SPMAP2L: variants seen among roughly 807,000 people sequenced by gnomAD.
The protein encoded by SPMAP2L is sperm microtubule associated protein 2 like.
At chr4:56,539,571 A>T in the SPMAP2L span, among the ~76,000 whole-genome samples, 3 of 151,964 alleles carry the variant, frequency 2.0e-5, no homozygotes, top group Admixed American at 6.6e-5. Context: ...ACAGGCCTGC[A>T]CCACCACACC....
the SPMAP2L span, among the ~76,000 whole-genome samples, chr4:56,535,440 C>T: frequency 6.6e-6 from 1 of 151,918 alleles, no homozygotes; most frequent in African/African-American, 2.4e-5. Context: ...AAATCCCTGT[C>T]CTGTTCTGTT....
the SPMAP2L span, chr4:56,594,572 G>A: frequency 3.1e-6 from 5 of 1,603,392 alleles, no homozygotes; most frequent in Non-Finnish European, 3.4e-6. Context: ...GAAAGGAGAG[G>A]GGCACAGAAC....
chr4:56,610,461 G>A, the SPMAP2L span, among the ~76,000 whole-genome samples: 1 of 152,116 alleles, frequency 6.6e-6, no homozygotes, highest in Non-Finnish European at 1.5e-5. Flanking sequence ...ATGGATCAAG[G>A]ACTTAAATCT....
chr4:56,554,129 T>C, the SPMAP2L span, among the ~76,000 whole-genome samples: 2 of 152,186 alleles, frequency 1.3e-5, no homozygotes, highest in African/African-American at 4.8e-5. Context: ...GCTTCCAATA[T>C]TTGTCAATTA....
the SPMAP2L span, among the ~76,000 whole-genome samples, chr4:56,578,823 A>T: frequency 0.055 from 8,387 of 152,016 alleles, 760 homozygotes; most frequent in African/African-American, 0.19. Flanking sequence ...GCAGTATCTC[A>T]CACCAGCACT....
At chr4:56,541,599 A>C in the SPMAP2L span, among the ~76,000 whole-genome samples, 1 of 152,210 alleles carries the variant, frequency 6.6e-6, no homozygotes, top group South Asian at 2.1e-4. Flanking sequence ...AGTTTCAATA[A>C]TTAACACTGT....
chr4:56,599,350 A>AT, the SPMAP2L span, among the ~76,000 whole-genome samples: 1 of 151,662 alleles, frequency 6.6e-6, no homozygotes, highest in African/African-American at 2.4e-5. Context: ...TGCCCAGCTA[A>AT]TTTTTTTTGC....
the SPMAP2L span, among the ~76,000 whole-genome samples, chr4:56,560,788 C>G: frequency 6.6e-6 from 1 of 152,140 alleles, no homozygotes; most frequent in African/African-American, 2.4e-5. Flanking sequence ...CTCTGTTACT[C>G]AGGCTGGAGT....
chr4:56,573,573 A>G, the SPMAP2L span, among the ~76,000 whole-genome samples: 1 of 152,250 alleles, frequency 6.6e-6, no homozygotes, highest in African/African-American at 2.4e-5. Context: ...GCCTGAGTCT[A>G]AGGTCTCCAC....
chr4:56,606,125 G>A, the SPMAP2L span, among the ~76,000 whole-genome samples: 8 of 152,206 alleles, frequency 5.3e-5, no homozygotes, highest in East Asian at 1.9e-4. Context: ...CTCTTAATTC[G>A]TCTCAAAGTG....
chr4:56,550,289 T>C, the SPMAP2L span, among the ~76,000 whole-genome samples: 16 of 152,140 alleles, frequency 1.1e-4, no homozygotes, highest in Non-Finnish European at 1.8e-4. Context: ...CACCTGGCTG[T>C]ATTTACCATG....
chr4:56,623,043 T>C, the SPMAP2L span, among the ~76,000 whole-genome samples: 2 of 152,120 alleles, frequency 1.3e-5, no homozygotes, highest in Admixed American at 6.5e-5. Flanking sequence ...GGATGTGTTC[T>C]TTTCCTCCAT....
At chr4:56,530,651 G>T in the SPMAP2L span, 1 of 1,526,118 alleles carries the variant, frequency 6.6e-7, no homozygotes, top group Admixed American at 2.0e-5. Flanking sequence ...GGTGAGTCCC[G>T]CGCGCGACAG....
the SPMAP2L span, among the ~76,000 whole-genome samples, chr4:56,570,448 A>G: frequency 3.3e-5 from 5 of 152,376 alleles, no homozygotes; most frequent in African/African-American, 1.2e-4. Flanking sequence ...TTGGGCTACA[A>G]AGCTGTGCAG....
the SPMAP2L span, among the ~76,000 whole-genome samples, chr4:56,569,572 AG>A: frequency 6.6e-6 from 1 of 152,020 alleles, no homozygotes; most frequent in Non-Finnish European, 1.5e-5. Context: ...TACTTTGGGA[AG>A]CCCAGGTGGG....
chr4:56,600,660 G>A, the SPMAP2L span, among the ~76,000 whole-genome samples: 1 of 152,144 alleles, frequency 6.6e-6, no homozygotes, highest in African/African-American at 2.4e-5. Context: ...AGCTCATGAA[G>A]CTGTTGTGAT....
chr4:56,533,861 G>C, the SPMAP2L span, among the ~76,000 whole-genome samples: 1 of 151,976 alleles, frequency 6.6e-6, no homozygotes, highest in African/African-American at 2.4e-5. Context: ...TGAGGCAGGA[G>C]CATCACCTCA....
the SPMAP2L span, among the ~76,000 whole-genome samples, chr4:56,601,562 C>T: frequency 2.0e-5 from 3 of 151,898 alleles, no homozygotes. Flanking sequence ...AGTTTGACAT[C>T]AGCCTAGGCA....
At chr4:56,535,796 C>G in the SPMAP2L span, among the ~76,000 whole-genome samples, 1 of 152,198 alleles carries the variant, frequency 6.6e-6, no homozygotes, top group Non-Finnish European at 1.5e-5. Flanking sequence ...ATGCAGTTCT[C>G]TTGCTCTCAA....
Sources: allele counts gnomAD v4.1 joint callset (sites outside exome capture counted in the v4.1 genomes callset), GRCh38; gene constraint gnomAD v4.1.1; transcripts MANE v1.5; gene names NCBI Gene and HGNC (gene_info 2026-07-23, HGNC 2026-07-21).